The following WDR62 variants were observed in gnomAD, a reference collection of about 807,000 sequenced individuals.
WDR62 encodes the protein WD repeat-containing protein 62.
A neutral mutation model predicts 160.6 loss-of-function variants in WDR62; 112 were observed. The ratio of observed to expected loss-of-function variants is 0.70; its 90% CI spans 0.60 to 0.82. WDR62 has a LOEUF of 0.82. Among genes scored for constraint, WDR62 ranks in the 40% least tolerant of loss-of-function variants. WDR62 has a pLI of 0.00. For missense variants in WDR62, 1,819 were observed against 1,983.8 expected, an observed-to-expected ratio of 0.92 and a Z score of 1.58; for synonymous variants, 792 against 815.1, an observed-to-expected ratio of 0.97 and a Z score of 0.48.
rs115119605 is a variant in WDR62 at position 36,092,594 on chromosome 19, C to T, written c.2211-95C>T. ...CCAGGAGCATCTGGAGAATGGGGTC[C>T]AGGCTGTGGTGTGGGTGGCTTCAGG... On this transcript the variant is annotated intron_variant, in intron 18 of 31. Coordinates refer to ENST00000401500, the MANE Select transcript of WDR62 (RefSeq NM_001083961.2). The T allele has an allele frequency of 8.8e-3, 13,607 of 1,551,572 alleles. 145 individuals carry two copies. Among genetic ancestry groups the T allele is most frequent in the South Asian group, 0.04 (3,570 of 89,136 alleles).
chr19:36,055,274 C>T, intron 1 of WDR62, 126 bp downstream of exon 1: 1 of 1,014,554 alleles, frequency 9.9e-7, no homozygotes, highest in Non-Finnish European at 1.5e-6. Context: ...CCTGCCATGC[C>T]TCGTCCCCTA....
chr19:36,098,039 A>T (rs1213874402), intron 21 of WDR62, among the ~76,000 whole-genome samples: 1 of 152,134 alleles, frequency 6.6e-6, no homozygotes, highest in Non-Finnish European at 1.5e-5. Context: ...AACAGCCTAT[A>T]CGTGTAAAAG....
At chr19:36,104,039 C>T in intron 30 of WDR62, 58 bp downstream of exon 30, 1 of 1,591,032 alleles carries the variant, frequency 6.3e-7, no homozygotes, top group Non-Finnish European at 8.5e-7. Flanking sequence ...TGCTAGTTGG[C>T]TCAGCTCCAA....
chr19:36,070,019 GGGAGAGGGAGACCGTGGGGAGAA>G (rs1971207284), intron 7 of WDR62, among the ~76,000 whole-genome samples: 2 of 121,390 alleles, frequency 1.6e-5, no homozygotes, highest in African/African-American at 3.5e-5. Context: ...CGTGGGGAGA[GGGAGAGGGAGACCGTGGGGAGAA>G]GGAGAGGGAG....
At chr19:36,084,263 C>G (rs1162174364) in intron 11 of WDR62, among the ~76,000 whole-genome samples, 2 of 152,104 alleles carry the variant, frequency 1.3e-5, no homozygotes, top group Non-Finnish European at 2.9e-5. Flanking sequence ...CAATGAGAGA[C>G]TGGAATCAAA....
At chr19:36,110,245 C>T in the WDR62 span, among the ~76,000 whole-genome samples, 11 of 151,898 alleles carry the variant, frequency 7.2e-5, no homozygotes, top group Admixed American at 3.9e-4. Flanking sequence ...CCAAGGCAGG[C>T]GGATCACTTG....
intron 2 of WDR62, 159 bp downstream of exon 2, chr19:36,059,030 C>G (rs1019405517): frequency 2.7e-6 from 2 of 728,330 alleles, no homozygotes; most frequent in African/African-American, 1.7e-5. Flanking sequence ...TCCATAGCCC[C>G]CTCTCTGTCT....
At chr19:36,107,936 G>A (rs112339452), downstream of WDR62, among the ~76,000 whole-genome samples, 578 of 152,220 alleles carry the variant, frequency 3.8e-3, 4 homozygotes, top group African/African-American at 0.013. Context: ...GCTTAGATGG[G>A]ATATTCCAAA....
downstream of WDR62, among the ~76,000 whole-genome samples, chr19:36,107,003 C>A (rs528979750): frequency 3.9e-4 from 59 of 152,260 alleles, no homozygotes; most frequent in South Asian, 1.7e-3. Context: ...TTCAGCCCCC[C>A]AGGCCTCGGA....
At chr19:36,081,756 T>A in intron 10 of WDR62, 186 bp downstream of exon 10, 3 of 759,326 alleles carry the variant, frequency 4.0e-6, no homozygotes, top group Non-Finnish European at 6.8e-6. Context: ...GCCCCCTCTC[T>A]GAGGTGGCAC....
downstream of WDR62, among the ~76,000 whole-genome samples, chr19:36,109,931 T>C (rs1973778670): frequency 6.6e-6 from 1 of 151,242 alleles, no homozygotes; most frequent in Non-Finnish European, 1.5e-5. Flanking sequence ...GGTGTGCCCC[T>C]GTAATCCCAG....
rs1973395191 is a variant in WDR62, at chr19:36,102,151, G to A, written c.3220G>A (p.Glu1074Lys). The A allele has an allele frequency of 6.2e-7, 1 of 1,613,888 alleles. No homozygotes were observed. The highest frequency in any genetic ancestry group is 8.5e-7 in the Non-Finnish European group (1 of 1,180,048). The change falls in exon 26 of 32, where the codon GAG becomes AAG. Residue 1074 changes from glutamate to lysine, a missense_variant and splice_region_variant. Physicochemically the swap from Glu to Lys is moderately conservative, Grantham distance 56. Around this residue, in one of 3 missense-constraint regions of WDR62, gnomAD observed 770 missense variants for 734.2 expected, o/e 1.05. Coordinates refer to ENST00000401500, the MANE Select transcript of WDR62 (RefSeq NM_001083961.2). ...GACACTGACTGAGTCCCCCTGCAGA[G>A]GTAGGGCCCTGCCTCACCCACACCT... ...FETLTESPCR[E>K]LFPAALGDVE...
intron 9 of WDR62, among the ~76,000 whole-genome samples, chr19:36,079,736 ATTAC>A (rs1363527469): frequency 2.0e-5 from 3 of 152,068 alleles, no homozygotes; most frequent in African/African-American, 4.8e-5. Flanking sequence ...CAGATGCCTT[ATTAC>A]TTCTCTGTCT....
In WDR62 at chr19:36,073,806, T is replaced by G. The variant is rs115661549; in HGVS notation, c.1233+275T>G. 4,021 of 497,396 alleles carry G rather than the reference T, an allele frequency of 8.1e-3. 129 individuals carry two copies. Among genetic ancestry groups the G allele is most frequent in the African/African-American group, 0.071 (3,705 of 51,994 alleles). The allele number at this position is 497,396 out of a possible 1,614,324, so 30.8% of individuals were successfully genotyped here. On this transcript the variant is annotated intron_variant, in intron 9 of 31. Transcript: ENST00000401500. Reference sequence around the variant, plus strand: ...ATGAGGCGGGGAAGGGGAAGGGGAATGCAGGTGGTATTCTAGAGAGGAGAG... The same window carrying G: ...ATGAGGCGGGGAAGGGGAAGGGGAAGGCAGGTGGTATTCTAGAGAGGAGAG...
intron 9 of WDR62, among the ~76,000 whole-genome samples, chr19:36,075,583 T>TTACAGGCAGCCGC (rs1971533857): frequency 6.6e-6 from 1 of 152,098 alleles, no homozygotes; most frequent in Non-Finnish European, 1.5e-5. Context: ...GTAGCTGGGA[T>TTACAGGCAGCCGC]TACAGGCAGC....
chr19:36,094,835 A>G (rs894914156), intron 20 of WDR62, among the ~76,000 whole-genome samples: 1 of 151,964 alleles, frequency 6.6e-6, no homozygotes, highest in Admixed American at 6.6e-5. Context: ...GGAGTTTGAG[A>G]CCAGCCTGGC....
Position 36,103,460 on chromosome 19 carries a change from C to T in WDR62, c.3632C>T (p.Ala1211Val), listed in dbSNP as rs1237626874. ...PTPGLAQGVH[A>V]PSTCSYMEAT... is the part of the protein sequence containing the mutation. ...CCAGGCCTGGCTCAGGGTGTCCATG[C>T]CCCCTCCACCTGTTCCTACATGGAG... is the stretch of plus-strand genomic sequence containing the variant. Residue 1211 changes from alanine to valine, a missense_variant, in exon 30 of 32, where the codon GCC becomes GTC. Ala to Val is a moderately conservative substitution (Grantham distance 64). Coordinates refer to ENST00000401500, the MANE Select transcript of WDR62 (RefSeq NM_001083961.2). 2 of 1,614,172 alleles carry T rather than the reference C, an allele frequency of 1.2e-6. No individual in the cohort carries two copies. Among genetic ancestry groups the T allele is most frequent in the Non-Finnish European group, 1.7e-6 (2 of 1,180,022 alleles).
At chr19:36,065,698 G>C (rs1429292329) in intron 3 of WDR62, among the ~76,000 whole-genome samples, 7 of 152,194 alleles carry the variant, frequency 4.6e-5, no homozygotes, top group Admixed American at 4.6e-4. Context: ...AAGAAAGCAG[G>C]GTCCGCATAC....
At chr19:36,073,870 A>G in intron 9 of WDR62, 3 of 381,682 alleles carry the variant, frequency 7.9e-6, no homozygotes, top group South Asian at 4.0e-5. Context: ...ATGAGCAGAG[A>G]CCTGCAGGAA....
Sources: gnomAD v4.1 joint callset for allele counts (sites outside exome capture counted in the v4.1 genomes callset) on GRCh38, gnomAD v4.1.1 for gene constraint, gnomAD v4.1.1 regional missense constraint, MANE v1.5 for transcripts, NCBI Gene and HGNC (gene_info 2026-07-23, HGNC 2026-07-21) for gene names.